The following MAF variants were observed in gnomAD, a reference collection of about 807,000 sequenced individuals.
The protein encoded by MAF is MAF bZIP transcription factor, also known as transcription factor Maf.
A neutral mutation model predicts 22.0 loss-of-function variants in MAF; 10 were observed. That is an observed-to-expected ratio of 0.45 (90% CI 0.28 to 0.77). The LOEUF is 0.77. Among genes scored for constraint, MAF ranks in the 30% least tolerant of loss-of-function variants. MAF has a pLI of 0.12. For missense variants in MAF, 544 were observed against 548.4 expected (o/e 0.99, Z 0.08); for synonymous variants, 337 against 255.8 (o/e 1.32, Z -3.03).
the MAF span, among the ~76,000 whole-genome samples, chr16:79,479,050 G>A: frequency 6.8e-6 from 1 of 147,480 alleles, no homozygotes; most frequent in African/African-American, 2.5e-5. Context: ...ATCCTAGTGT[G>A]CCTGTGCACC....
the MAF span, among the ~76,000 whole-genome samples, chr16:79,221,834 T>C: frequency 2.4e-4 from 36 of 152,338 alleles, no homozygotes; most frequent in African/African-American, 7.9e-4. Flanking sequence ...CTAATAGATC[T>C]GTGAAGTTCT....
Position 79,594,467 on chromosome 16 carries a change from G to C in MAF, c.1205C>G (p.Thr402Arg). 6.4e-7 allele frequency: 1 copy of C among 1,558,132 alleles called. No homozygotes were observed. Reference sequence around the variant, plus strand: ...ACAGCTCTCACACAAATTTCATTTTGTGAACACACTGGTAAGTACACGATG... The same window carrying C: ...ACAGCTCTCACACAAATTTCATTTTCTGAACACACTGGTAAGTACACGATG... ...PQHRVLTSVF[T>R]K The change falls in exon 2 of 2, where the codon ACA becomes AGA. Residue 402 changes from threonine (T) to arginine (R), a missense_variant. Physicochemically the swap from Thr to Arg is moderately conservative, Grantham distance 71 (BLOSUM62 -1). Around this residue, in one of 5 missense-constraint regions of MAF, gnomAD observed 129 missense variants for 113.6 expected, o/e 1.14. Coordinates refer to ENST00000326043, the MANE Select transcript of MAF (RefSeq NM_005360.5).
In MAF at chr16:79,600,097, C is replaced by T. The variant is rs934984366; in HGVS notation, c.-195G>A. 3.2e-6 allele frequency: 2 copies of T among 629,110 alleles called. No individual in the cohort carries two copies. Among genetic ancestry groups the T allele is most frequent in the Admixed American group, 3.7e-5 (1 of 27,080 alleles). The allele number at this position is 629,110 out of a possible 1,614,324, so 39.0% of individuals were successfully genotyped here. A position where few individuals can be genotyped will look rare whatever the true frequency, so the allele number is the denominator to read the frequency against. On this transcript the variant is annotated 5_prime_UTR_variant, in exon 1 of 2. Coordinates refer to ENST00000326043, the MANE Select transcript of MAF (RefSeq NM_005360.5). ...ACCCCCCCGCCCTGCCCGCGCCCCC[C>T]GCGCCCGCCCTCCCTCCCCCCTGCT...
chr16:79,478,523 G>A, the MAF span, among the ~76,000 whole-genome samples: 58,290 of 151,920 alleles, frequency 0.38, 12,079 homozygotes, highest in Middle Eastern at 0.49. Context: ...ATGTGGCAAT[G>A]CTGGGACCCC....
At chr16:79,468,571 C>A in the MAF span, among the ~76,000 whole-genome samples, 3 of 152,222 alleles carry the variant, frequency 2.0e-5, no homozygotes, top group African/African-American at 4.8e-5. Context: ...CCCCAGCATG[C>A]TGCAGCCTCA....
chr16:79,270,348 A>C, the MAF span, among the ~76,000 whole-genome samples: 2 of 152,134 alleles, frequency 1.3e-5, no homozygotes, highest in African/African-American at 2.4e-5. Context: ...CCAAAGTAGT[A>C]GCAAGGCTTG....
the MAF span, among the ~76,000 whole-genome samples, chr16:79,529,517 A>G: frequency 6.6e-6 from 1 of 152,216 alleles, no homozygotes; most frequent in Non-Finnish European, 1.5e-5. Flanking sequence ...GGCACTAATA[A>G]TAACAACAAC....
At chr16:79,207,256 T>G in the MAF span, among the ~76,000 whole-genome samples, 4 of 152,218 alleles carry the variant, frequency 2.6e-5, no homozygotes, top group African/African-American at 9.6e-5. Context: ...TGGCTTTGCA[T>G]TTGAGAAGTA....
At chr16:79,257,620 C>A in the MAF span, among the ~76,000 whole-genome samples, 6 of 152,296 alleles carry the variant, frequency 3.9e-5, no homozygotes, top group African/African-American at 1.4e-4. Flanking sequence ...TACTTAATGT[C>A]TCTGTGCCTT....
chr16:79,381,086 G>C, the MAF span, among the ~76,000 whole-genome samples: 66 of 152,346 alleles, frequency 4.3e-4, no homozygotes, highest in African/African-American at 1.4e-3. Context: ...AGAATGAAGG[G>C]CACATGTGCA....
the MAF span, among the ~76,000 whole-genome samples, chr16:79,243,721 C>T: frequency 6.6e-6 from 1 of 151,954 alleles, no homozygotes; most frequent in Non-Finnish European, 1.5e-5. Flanking sequence ...TTTTATGAGG[C>T]CAGCATCATC....
the MAF span, among the ~76,000 whole-genome samples, chr16:79,345,431 C>G: frequency 6.6e-6 from 1 of 152,090 alleles, no homozygotes; most frequent in Non-Finnish European, 1.5e-5. Context: ...CTGGAAAAGA[C>G]ATCATTAAAA....
At chr16:79,391,427 C>T in the MAF span, among the ~76,000 whole-genome samples, 1 of 152,240 alleles carries the variant, frequency 6.6e-6, no homozygotes, top group East Asian at 1.9e-4. Context: ...GCAATTGACT[C>T]CACGAGAAGT....
the MAF span, among the ~76,000 whole-genome samples, chr16:79,459,741 T>A: frequency 6.6e-6 from 1 of 152,104 alleles, no homozygotes; most frequent in Non-Finnish European, 1.5e-5. Flanking sequence ...CCTGGCTAAT[T>A]TTTGCAGAGA....
At chr16:79,231,748 G>C in the MAF span, among the ~76,000 whole-genome samples, 1 of 152,076 alleles carries the variant, frequency 6.6e-6, no homozygotes, top group Non-Finnish European at 1.5e-5. Context: ...ACCGGAGTTA[G>C]GTGGCAGATG....
chr16:79,571,418 G>A, the MAF span, among the ~76,000 whole-genome samples: 2 of 152,040 alleles, frequency 1.3e-5, no homozygotes, highest in African/African-American at 4.8e-5. Flanking sequence ...CTAAATTTAT[G>A]GAGGTGGTAA....
the MAF span, among the ~76,000 whole-genome samples, chr16:79,472,824 A>G: frequency 6.6e-6 from 1 of 151,922 alleles, no homozygotes; most frequent in Non-Finnish European, 1.5e-5. Context: ...AGAAAGAGAG[A>G]AAGAAAGAAA....
At chr16:79,498,239 G>C in the MAF span, among the ~76,000 whole-genome samples, 1 of 152,200 alleles carries the variant, frequency 6.6e-6, no homozygotes, top group South Asian at 2.1e-4. Flanking sequence ...AACTTTATTT[G>C]TAAAGGGCCA....
the MAF span, among the ~76,000 whole-genome samples, chr16:79,530,366 G>A: frequency 3.3e-5 from 5 of 152,204 alleles, no homozygotes; most frequent in East Asian, 9.7e-4. Flanking sequence ...GTCCCAAAGT[G>A]CCTACTTCAA....
Sources: gnomAD v4.1 joint callset for allele counts (sites outside exome capture counted in the v4.1 genomes callset) on GRCh38, gnomAD v4.1.1 for gene constraint, gnomAD v4.1.1 regional missense constraint, MANE v1.5 for transcripts, NCBI Gene and HGNC (gene_info 2026-07-23, HGNC 2026-07-21) for gene names.